EEIG1: variants seen among roughly 807,000 people sequenced by gnomAD.
EEIG1 encodes the protein early estrogen-induced gene 1 protein.
At chr9:127,948,191 C>A in the EEIG1 span, 1 of 1,614,082 alleles carries the variant, frequency 6.2e-7, no homozygotes, top group South Asian at 1.1e-5. Context: ...GAATCCTGGC[C>A]TGGGATGGAG....
At chr9:127,948,109 G>T in the EEIG1 span, 14 of 1,613,134 alleles carry the variant, frequency 8.7e-6, no homozygotes, top group Non-Finnish European at 1.1e-5. Context: ...GGGGGGCCGG[G>T]ACCCAGTCAG....
chr9:127,972,274 G>A, the EEIG1 span, among the ~76,000 whole-genome samples: 2 of 152,118 alleles, frequency 1.3e-5, no homozygotes, highest in African/African-American at 2.4e-5. This position sits in a 1 kb window ranked among gnomAD's most constrained non-coding sequence, Gnocchi z 4.3. Context: ...GGGACCCTGA[G>A]CTCAGACACC....
chr9:127,941,346 G>C, the EEIG1 span: 1 of 152,604 alleles, frequency 6.6e-6, no homozygotes, highest in African/African-American at 2.4e-5. Flanking sequence ...CTCCCTCCTA[G>C]GCTGGGTGAG....
the EEIG1 span, chr9:127,950,712 G>A: frequency 9.3e-6 from 13 of 1,396,422 alleles, no homozygotes; most frequent in East Asian, 8.1e-5. Context: ...CAGAGGCCCC[G>A]GGTCGGCAGC....
chr9:127,968,829 C>T, the EEIG1 span, among the ~76,000 whole-genome samples: 2 of 152,336 alleles, frequency 1.3e-5, no homozygotes, highest in African/African-American at 2.4e-5. Flanking sequence ...TTCCAACCAC[C>T]ATGGGCTAAG....
chr9:127,952,178 C>T, the EEIG1 span, among the ~76,000 whole-genome samples: 2 of 152,266 alleles, frequency 1.3e-5, no homozygotes, highest in African/African-American at 4.8e-5. Context: ...ACAGCACCCT[C>T]CACAGCCTGG....
the EEIG1 span, chr9:127,944,516 A>G: frequency 3.6e-6 from 3 of 842,980 alleles, no homozygotes; most frequent in South Asian, 3.0e-5. Flanking sequence ...CTGTGGCGAC[A>G]AGATTTGGCG....
the EEIG1 span, chr9:127,948,063 A>G: frequency 6.2e-7 from 1 of 1,609,122 alleles, no homozygotes. Context: ...ACAGATGAGG[A>G]ACTGTACCTG....
chr9:127,951,934 C>A, the EEIG1 span, among the ~76,000 whole-genome samples: 4 of 152,178 alleles, frequency 2.6e-5, no homozygotes, highest in Admixed American at 6.5e-5. Context: ...ATCAGCACCA[C>A]GTCCAGCCAC....
chr9:127,958,609 G>A, the EEIG1 span, among the ~76,000 whole-genome samples: 151 of 151,944 alleles, frequency 9.9e-4, no homozygotes, highest in Non-Finnish European at 1.7e-3. Context: ...AGGTTACAGT[G>A]AGCTGTGATT....
the EEIG1 span, among the ~76,000 whole-genome samples, chr9:127,957,957 G>A: frequency 6.6e-6 from 1 of 152,356 alleles, no homozygotes; most frequent in East Asian, 1.9e-4. Flanking sequence ...AGGTTGCAGT[G>A]AGCCAAGACG....
the EEIG1 span, among the ~76,000 whole-genome samples, chr9:127,969,811 GA>G: frequency 6.6e-6 from 1 of 152,116 alleles, no homozygotes; most frequent in Non-Finnish European, 1.5e-5. Context: ...AAAGACCAAG[GA>G]AAACACCCAG....
At chr9:127,954,756 C>T in the EEIG1 span, among the ~76,000 whole-genome samples, 1 of 152,176 alleles carries the variant, frequency 6.6e-6, no homozygotes, top group Admixed American at 6.5e-5. Context: ...ACTCTGGGTG[C>T]GGAGACAGCG....
the EEIG1 span, chr9:127,945,612 G>C: frequency 6.4e-7 from 1 of 1,564,452 alleles, no homozygotes; most frequent in Non-Finnish European, 8.7e-7. This position sits in a 1 kb window ranked among gnomAD's most constrained non-coding sequence, Gnocchi z 6.5. Context: ...CCCGAGGAAG[G>C]AGGAGGCCAC....
At chr9:127,966,462 C>T in the EEIG1 span, among the ~76,000 whole-genome samples, 1 of 151,806 alleles carries the variant, frequency 6.6e-6, no homozygotes, top group South Asian at 2.1e-4. Flanking sequence ...AAAAAAAAGC[C>T]CATGCAGGCA....
the EEIG1 span, chr9:127,944,283 G>A: frequency 2.4e-6 from 1 of 424,420 alleles, no homozygotes; most frequent in East Asian, 4.4e-5. Context: ...CCCTGGAGCT[G>A]GGAGGAAGTA....
chr9:127,978,701 G>A, the EEIG1 span, among the ~76,000 whole-genome samples: 1 of 152,052 alleles, frequency 6.6e-6, no homozygotes, highest in Non-Finnish European at 1.5e-5. Flanking sequence ...AATTATCGTG[G>A]TAGCGTGCGC....
At chr9:127,965,798 T>G in the EEIG1 span, among the ~76,000 whole-genome samples, 2 of 152,216 alleles carry the variant, frequency 1.3e-5, no homozygotes, top group Admixed American at 6.5e-5. Flanking sequence ...GAGCCTGCCC[T>G]GGGGACCAGC....
chr9:127,965,648 G>A, the EEIG1 span, among the ~76,000 whole-genome samples: 6 of 152,096 alleles, frequency 3.9e-5, no homozygotes, highest in South Asian at 6.2e-4. Flanking sequence ...AGGAGTGAGC[G>A]GCAAAGTGAT....
Sources: gnomAD v4.1 joint callset for allele counts (sites outside exome capture counted in the v4.1 genomes callset) on GRCh38, gnomAD v4.1.1 for gene constraint, Gnocchi (gnomAD v3.1) non-coding constraint, MANE v1.5 for transcripts, NCBI Gene and HGNC (gene_info 2026-07-23, HGNC 2026-07-21) for gene names.